MATCAP2: variants seen among roughly 807,000 people sequenced by gnomAD.
MATCAP2 encodes microtubule associated tyrosine carboxypeptidase 2.
chr7:36,333,673 A>G, the MATCAP2 span, among the ~76,000 whole-genome samples: 1 of 152,206 alleles, frequency 6.6e-6, no homozygotes, highest in African/African-American at 2.4e-5. Flanking sequence ...AGATTTTTCA[A>G]AATTGAGCTG....
chr7:36,356,880 C>A, the MATCAP2 span: 3 of 1,576,450 alleles, frequency 1.9e-6, no homozygotes, highest in African/African-American at 4.0e-5. Flanking sequence ...AATGAACTAC[C>A]ACTATTGAAA....
chr7:36,384,342 GT>G, the MATCAP2 span, among the ~76,000 whole-genome samples: 12 of 152,166 alleles, frequency 7.9e-5, no homozygotes, highest in African/African-American at 2.7e-4. Flanking sequence ...AACTTGGGAA[GT>G]TTTGTGTTTT....
chr7:36,357,180 C>G, the MATCAP2 span: 1 of 1,614,156 alleles, frequency 6.2e-7, no homozygotes, highest in Non-Finnish European at 8.5e-7. Context: ...GGTGGCAGTA[C>G]TATGCCATTC....
At chr7:36,387,553 A>G in the MATCAP2 span, among the ~76,000 whole-genome samples, 37 of 152,314 alleles carry the variant, frequency 2.4e-4, no homozygotes, top group African/African-American at 8.7e-4. Context: ...CAATTGTAAT[A>G]CCCTAGGAGA....
chr7:36,360,221 C>A, the MATCAP2 span, among the ~76,000 whole-genome samples: 2 of 152,112 alleles, frequency 1.3e-5, no homozygotes, highest in Non-Finnish European at 2.9e-5. Flanking sequence ...AAGAACTGAG[C>A]TTGCTGAGTT....
chr7:36,374,080 T>TTA, the MATCAP2 span, among the ~76,000 whole-genome samples: 43 of 151,954 alleles, frequency 2.8e-4, no homozygotes, highest in African/African-American at 3.6e-4. Flanking sequence ...CCATTTTATT[T>TTA]TATATATATA....
At chr7:36,346,012 T>A in the MATCAP2 span, among the ~76,000 whole-genome samples, 9 of 152,124 alleles carry the variant, frequency 5.9e-5, no homozygotes, top group African/African-American at 1.9e-4. Flanking sequence ...TGGCAAAGGA[T>A]CTGAAATAGG....
At chr7:36,328,944 G>A in the MATCAP2 span, among the ~76,000 whole-genome samples, 2 of 151,654 alleles carry the variant, frequency 1.3e-5, no homozygotes, top group African/African-American at 4.9e-5. Context: ...TCAGGAGGCT[G>A]AGGCAGGAGA....
chr7:36,375,978 T>G, the MATCAP2 span, among the ~76,000 whole-genome samples: 49 of 152,218 alleles, frequency 3.2e-4, no homozygotes, highest in Admixed American at 3.3e-4. Flanking sequence ...TTATTCTCTC[T>G]TTTCTTCTTT....
the MATCAP2 span, chr7:36,334,002 G>C: frequency 6.2e-7 from 1 of 1,614,096 alleles, no homozygotes; most frequent in African/African-American, 1.3e-5. Context: ...GTAGAGGAGG[G>C]CAGCCCTCCA....
chr7:36,326,168 A>C, the MATCAP2 span: 2 of 152,150 alleles, frequency 1.3e-5, no homozygotes, highest in Non-Finnish European at 2.9e-5. Context: ...TAGTTCCTAT[A>C]AGCTGATAAG....
At chr7:36,371,814 G>A in the MATCAP2 span, among the ~76,000 whole-genome samples, 1 of 152,160 alleles carries the variant, frequency 6.6e-6, no homozygotes, top group African/African-American at 2.4e-5. Flanking sequence ...AGGCTGGAGT[G>A]CAGTGGCGCG....
the MATCAP2 span, chr7:36,326,564 C>T: frequency 2.5e-6 from 1 of 405,278 alleles, no homozygotes; most frequent in African/African-American, 2.1e-5. Flanking sequence ...TAACTTCCCC[C>T]TGCAACCTAT....
chr7:36,350,531 CCTTTTT>C, the MATCAP2 span, among the ~76,000 whole-genome samples: 3,630 of 87,880 alleles, frequency 0.041, 224 homozygotes, highest in East Asian at 0.32. Context: ...GGACTGTGTT[CCTTTTT>C]TTTTTTTTTT....
chr7:36,387,036 A>G, the MATCAP2 span, among the ~76,000 whole-genome samples: 1 of 152,200 alleles, frequency 6.6e-6, no homozygotes, highest in Non-Finnish European at 1.5e-5. Flanking sequence ...TTACAAGTAT[A>G]TTTGTATAAT....
At chr7:36,361,330 G>A in the MATCAP2 span, among the ~76,000 whole-genome samples, 1 of 152,164 alleles carries the variant, frequency 6.6e-6, no homozygotes, top group Non-Finnish European at 1.5e-5. Context: ...CTGTGAGTAG[G>A]TGAGGTTTCA....
At chr7:36,378,515 C>T in the MATCAP2 span, among the ~76,000 whole-genome samples, 1 of 152,218 alleles carries the variant, frequency 6.6e-6, no homozygotes, top group African/African-American at 2.4e-5. Context: ...CAGTTGACCC[C>T]TACTGGGAGA....
the MATCAP2 span, chr7:36,333,788 A>G: frequency 1.5e-6 from 2 of 1,290,936 alleles, no homozygotes; most frequent in Non-Finnish European, 2.1e-6. Context: ...TTCAGGGATT[A>G]GGATATAAAC....
At chr7:36,346,823 C>T in the MATCAP2 span, among the ~76,000 whole-genome samples, 8 of 152,170 alleles carry the variant, frequency 5.3e-5, no homozygotes, top group Non-Finnish European at 1.2e-4. Flanking sequence ...TGCAGTGGCA[C>T]GATCTTGGCT....
Sources: allele counts gnomAD v4.1 joint callset (sites outside exome capture counted in the v4.1 genomes callset), GRCh38; gene constraint gnomAD v4.1.1; transcripts MANE v1.5; gene names NCBI Gene and HGNC (gene_info 2026-07-23, HGNC 2026-07-21).